BOD1L1: variants seen among roughly 807,000 people sequenced by gnomAD.
BOD1L1 encodes biorientation of chromosomes in cell division 1 like 1, also known as biorientation of chromosomes in cell division protein 1-like 1.
In BOD1L1, 86 loss-of-function variants were observed where a neutral mutation model predicts 240.7. The ratio of observed to expected loss-of-function variants is 0.36; its 90% CI spans 0.30 to 0.43. The LOEUF is 0.43. Ranked by LOEUF, BOD1L1 falls within the 20% of genes least tolerant of loss-of-function variation. The pLI, the probability that BOD1L1 is intolerant of heterozygous loss-of-function variation, is 1.00. For synonymous variants in BOD1L1, 1,268 were observed against 1,272.3 expected, an observed-to-expected ratio of 1.00 and a Z score of 0.07; for missense variants, 3,554 against 3,643.5, an observed-to-expected ratio of 0.98 and a Z score of 0.63.
intron 2 of BOD1L1, 96 bp downstream of exon 2, chr4:13,619,847 C>T: frequency 1.4e-6 from 2 of 1,411,894 alleles, no homozygotes; most frequent in Non-Finnish European, 9.6e-7. Flanking sequence ...TTGTCAACAT[C>T]ATTAGGTGAA....
rs762437470 is a variant in BOD1L1, at chr4:13,602,869, T to C, written c.4031A>G (p.Lys1344Arg). Residue 1344 changes from lysine to arginine, a missense_variant, in exon 10 of 26, where the codon AAA (lysine) becomes AGA (arginine). Physicochemically the swap from Lys to Arg is conservative, Grantham distance 26. Around this residue, in one of 2 missense-constraint regions of BOD1L1, gnomAD observed 3,393 missense variants for 3,427.1 expected, o/e 0.99. Coordinates refer to ENST00000040738, the MANE Select transcript of BOD1L1 (RefSeq NM_148894.3). ...ESEVLKTSDS[K>R]EGGEGFTVDT... ...TACTGTGAAACCTTCACCACCTTCT[T>C]TGCTGTCACTTGTCTTAAGGACTTC... The C allele has an allele frequency of 1.2e-6, 2 of 1,614,048 alleles. No homozygotes were observed. The highest frequency in any genetic ancestry group is 1.7e-5 in the Admixed American group (1 of 60,028).
chr4:13,592,158 C>A, intron 12 of BOD1L1, 192 bp from the exon 13 acceptor site: 1 of 499,294 alleles, frequency 2.0e-6, no homozygotes, highest in Non-Finnish European at 3.6e-6. Context: ...GAATATACTA[C>A]CAGAAAAAGA....
chr4:13,575,998 G>A lies in BOD1L1; in HGVS notation c.9038+840C>T, dbSNP rs142013332. Reference sequence around the variant, plus strand: ...GCTCACTGCAACCTCCGCCTCCCACGGTTAAGCAATTCCCCTGCCTCAGCC... The same window carrying A: ...GCTCACTGCAACCTCCGCCTCCCACAGTTAAGCAATTCCCCTGCCTCAGCC... On this transcript the variant is annotated intron_variant, in intron 25 of 25. Transcript: ENST00000040738. Among the ~76,000 whole-genome samples, 1,290 of 141,312 alleles carry A rather than the reference G, an allele frequency of 9.1e-3. 14 individuals carry two copies. The highest frequency in any genetic ancestry group is 0.03 in the African/African-American group (1,125 of 37,916). The allele number at this position is 141,312 out of a possible 152,430, so 92.7% of individuals were successfully genotyped here.
At chr4:13,573,470 A>ATCTATCTATCTATCTTTCTTTCTT (rs71169517) in intron 25 of BOD1L1, among the ~76,000 whole-genome samples, 17 of 122,728 alleles carry the variant, frequency 1.4e-4, no homozygotes, top group South Asian at 9.0e-4. Context: ...CTATCTATCT[A>ATCTATCTATCTATCTTTCTTTCTT]TCTTTCTTTC....
intron 12 of BOD1L1, among the ~76,000 whole-genome samples, chr4:13,594,714 G>A (rs1714484693): frequency 1.3e-5 from 2 of 152,098 alleles, no homozygotes; most frequent in African/African-American, 2.4e-5. Context: ...GGCCAATATG[G>A]TGAAACCCCA....
chr4:13,569,903 G>A lies in BOD1L1; in HGVS notation c.*108C>T. The A allele has an allele frequency of 1.4e-6, 1 of 704,414 alleles. No homozygotes were observed. Among genetic ancestry groups the A allele is most frequent in the South Asian group, 3.2e-5 (1 of 31,636 alleles). The allele number at this position is 704,414 out of a possible 1,614,324, so 43.6% of individuals were successfully genotyped here. On this transcript the variant is annotated 3_prime_UTR_variant, in exon 26 of 26. Coordinates refer to ENST00000040738, the MANE Select transcript of BOD1L1 (RefSeq NM_148894.3). ...AAAAGCTTGCACCTAGGGACTTACA[G>A]CACATGCATATCTTTTTCCTGGTTA...
In BOD1L1 at chr4:13,608,606, T is replaced by G; in HGVS notation, c.1666A>C (p.Ile556Leu). 6.4e-7 allele frequency: 1 copy of G among 1,563,218 alleles called. No individual in the cohort carries two copies. The highest frequency in any genetic ancestry group is 2.3e-5 in the East Asian group (1 of 42,772). The change falls in exon 8 of 26, where the codon ATT (isoleucine) becomes CTT (leucine). Residue 556 changes from isoleucine (I) to leucine (L), a missense_variant. Ile to Leu is a conservative substitution (Grantham distance 5). This residue lies in a region of BOD1L1 where 3,393 missense variants were observed against 3,427.1 expected (regional missense o/e 0.99). Transcript: ENST00000040738. Reference protein sequence around the residue: ...TKSLEPKAARIKEVLKERKVL... With the variant: ...TKSLEPKAARLKEVLKERKVL... Reference sequence around the variant, plus strand: ...TTCCGTTCTTTAAGGACTTCTTTAATTCTGGCGGCTTTAGGTTCCAAACTC... The same window carrying G: ...TTCCGTTCTTTAAGGACTTCTTTAAGTCTGGCGGCTTTAGGTTCCAAACTC...
rs1716446725 is a variant in BOD1L1, at chr4:13,614,701, T to G, written c.669A>C (p.Glu223Asp). The change falls in exon 4 of 26, where the codon GAA becomes GAC. Residue 223 changes from glutamate (E) to aspartate (D), a missense_variant. Glu to Asp is a conservative substitution (Grantham distance 45). Coordinates refer to ENST00000040738, the MANE Select transcript of BOD1L1 (RefSeq NM_148894.3). ...TCTCACTGGTCTTGGCATTTGATGT[T>G]TCTGTTGAAGCCCTAGCAGCACTGG... Reference protein sequence around the residue: ...QEASAARASTETSNAKTSERA... With the variant: ...QEASAARASTDTSNAKTSERA... 6.2e-7 allele frequency: 1 copy of G among 1,613,918 alleles called. No individual in the cohort carries two copies. The highest frequency in any genetic ancestry group is 1.1e-5 in the South Asian group (1 of 91,090).
chr4:13,581,950 C>T (rs1713268018), intron 19 of BOD1L1, among the ~76,000 whole-genome samples: 1 of 152,110 alleles, frequency 6.6e-6, no homozygotes, highest in South Asian at 2.1e-4. Context: ...CATTGCCAGG[C>T]CAGGAACCTG....
intron 25 of BOD1L1, among the ~76,000 whole-genome samples, chr4:13,573,519 A>ATCTT (rs34909266): frequency 0.15 from 19,758 of 134,142 alleles, 1,562 homozygotes; most frequent in Middle Eastern, 0.27. Context: ...CTATCTATCT[A>ATCTT]TCTTTCTTTC....
intron 17 of BOD1L1, among the ~76,000 whole-genome samples, chr4:13,585,049 A>C (rs1434545493): frequency 1.3e-5 from 2 of 152,208 alleles, no homozygotes; most frequent in Non-Finnish European, 2.9e-5. Flanking sequence ...ACGAAATTTA[A>C]GAGAAAATGA....
chr4:13,588,938 G>A (rs1713954907), intron 14 of BOD1L1, 146 bp from the exon 15 acceptor site: 1 of 521,212 alleles, frequency 1.9e-6, no homozygotes. Flanking sequence ...GTGGTAGATA[G>A]TCACAAATGA....
intron 19 of BOD1L1, 100 bp downstream of exon 19, chr4:13,582,137 A>G: frequency 2.1e-6 from 2 of 964,262 alleles, no homozygotes; most frequent in South Asian, 3.3e-5. Flanking sequence ...CAGCTTCTTC[A>G]AAGTACTTAA....
chr4:13,587,782 G>A lies in BOD1L1; in HGVS notation c.8281-11C>T, dbSNP rs1173526583. On this transcript the variant is annotated splice_polypyrimidine_tract_variant and intron_variant, in intron 15 of 25. Transcript: ENST00000040738. ...TTCTTCCTCTTCAACCTGGAATTAA[G>A]AATGACTATATCAAAGGCCATAGAA... is the stretch of plus-strand genomic sequence containing the variant. 1.3e-6 allele frequency: 2 copies of A among 1,529,016 alleles called. No homozygotes were observed. The highest frequency in any genetic ancestry group is 3.9e-5 in the Admixed American group (2 of 51,088). The allele number at this position is 1,529,016 out of a possible 1,614,324, so 94.7% of individuals were successfully genotyped here. A position where few individuals can be genotyped will look rare whatever the true frequency, so the allele number is the denominator to read the frequency against.
At position 13,603,681 on chromosome 4, in the gene BOD1L1, A is replaced by G. The variant is rs139741861; in HGVS notation, c.3219T>C (p.Asn1073=). The change falls in exon 10 of 26, where the codon AAT becomes AAC. Residue 1073 remains asparagine, a synonymous_variant. Transcript: ENST00000040738. ...EKKLSRRLCE[N]RRGSLSQEMA... ...TTTCTTGTGACAAGCTTCCTCTCCG[A>G]TTTTCGCACAACCTTCTACTTAATT... 2.1e-4 allele frequency: 343 copies of G among 1,613,730 alleles called. No homozygotes were observed. Among genetic ancestry groups the G allele is most frequent in the Non-Finnish European group, 2.8e-4 (325 of 1,179,874 alleles).
rs1380692186 is a variant in BOD1L1, at chr4:13,603,661, T to G, written c.3239A>C (p.Gln1080Pro). 2.5e-6 allele frequency: 4 copies of G among 1,613,994 alleles called. No individual in the cohort carries two copies. Among genetic ancestry groups the G allele is most frequent in the Middle Eastern group, 3.3e-4 (2 of 6,062 alleles). Residue 1080 changes from glutamine (Q) to proline (P), a missense_variant, in exon 10 of 26, where the codon CAA becomes CCA. Gln to Pro is a moderately conservative substitution (Grantham distance 76). Transcript: ENST00000040738. Reference protein sequence around the residue: ...LCENRRGSLSQEMAKGEEKLA... With the variant: ...LCENRRGSLSPEMAKGEEKLA... Reference sequence around the variant, plus strand: ...TTTTTCTTCTCCTTTGGCCATTTCTTGTGACAAGCTTCCTCTCCGATTTTC... The same window carrying G: ...TTTTTCTTCTCCTTTGGCCATTTCTGGTGACAAGCTTCCTCTCCGATTTTC...
At chr4:13,619,809 C>T (rs758517290) in intron 2 of BOD1L1, 134 bp downstream of exon 2, 9 of 1,151,530 alleles carry the variant, frequency 7.8e-6, no homozygotes, top group Admixed American at 6.0e-5. Context: ...CTACATCACA[C>T]GAAATAGCCA....
At position 13,600,617 on chromosome 4, in the gene BOD1L1, G is replaced by A. The variant is rs1173516603; in HGVS notation, c.6283C>T (p.Leu2095Phe). Residue 2095 changes from leucine to phenylalanine, a missense_variant, in exon 10 of 26, where the codon CTC becomes TTC. This residue lies in a region of BOD1L1 where 3,393 missense variants were observed against 3,427.1 expected (regional missense o/e 0.99). Transcript: ENST00000040738. ...VSAITDVEGGLSDALRTEENM... is the reference protein window; with the variant it reads ...VSAITDVEGGFSDALRTEENM... Reference sequence around the variant, plus strand: ...TCTTCAGTTCTCAGAGCATCTGAGAGACCTCCTTCCACATCTGTAATTGCG... The same window carrying A: ...TCTTCAGTTCTCAGAGCATCTGAGAAACCTCCTTCCACATCTGTAATTGCG... The A allele has an allele frequency of 6.2e-7, 1 of 1,613,740 alleles. No individual in the cohort carries two copies. Among genetic ancestry groups the A allele is most frequent in the Non-Finnish European group, 8.5e-7 (1 of 1,179,834 alleles).
At chr4:13,582,449 C>T in intron 18 of BOD1L1, 139 bp from the exon 19 acceptor site, 2 of 751,906 alleles carry the variant, frequency 2.7e-6, no homozygotes, top group Non-Finnish European at 4.3e-6. Context: ...AATTAACAAG[C>T]CTGAGTTTGG....
Sources: gnomAD v4.1 joint callset for allele counts (sites outside exome capture counted in the v4.1 genomes callset) on GRCh38, gnomAD v4.1.1 for gene constraint, gnomAD v4.1.1 regional missense constraint, MANE v1.5 for transcripts, NCBI Gene and HGNC (gene_info 2026-07-23, HGNC 2026-07-21) for gene names.